ADAMTS3: variants seen among roughly 807,000 people sequenced by gnomAD.
ADAMTS3 encodes ADAM metallopeptidase with thrombospondin type 1 motif 3.
A neutral mutation model predicts 129.0 loss-of-function variants in ADAMTS3; 73 were observed. The ratio of observed to expected loss-of-function variants is 0.57; its 90% CI spans 0.47 to 0.69. The LOEUF (loss-of-function observed/expected upper bound fraction) is 0.69. Ranked by LOEUF, ADAMTS3 falls within the 30% of genes least tolerant of loss-of-function variation. The pLI is 0.00. For missense variants in ADAMTS3, 1,457 were observed against 1,514.5 expected (o/e 0.96, Z 0.63); for synonymous variants, 477 against 510.8 (o/e 0.93, Z 0.89).
chr4:72,452,325 T>C (rs993694458), intron 3 of ADAMTS3, among the ~76,000 whole-genome samples: 1 of 151,086 alleles, frequency 6.6e-6, no homozygotes, highest in African/African-American at 2.4e-5. Flanking sequence ...TAAAATATAA[T>C]AAGTATAGTT....
rs1560553586 is a variant in ADAMTS3, at chr4:72,530,071, A to ATAT, written c.504+18406_504+18407insATA. Among the ~76,000 whole-genome samples the ATAT allele has an allele frequency of 7.8e-3, 63 of 8,078 alleles. 27 individuals carry two copies. Among genetic ancestry groups the ATAT allele is most frequent in the African/African-American group, 0.023 (31 of 1,332 alleles). The allele number at this position is 8,078 out of a possible 152,430, so 5.3% of individuals were successfully genotyped here. Reference sequence around the variant, plus strand: ...ATTTATATATAATATGTTATATATAACATATTATATTTATATATAATATGT... The same window carrying ATAT: ...ATTTATATATAATATGTTATATATAATATCATATTATATTTATATATAATATGT... On this transcript the variant is annotated intron_variant, in intron 3 of 21. Transcript: ENST00000286657.
At chr4:72,549,246 C>A (rs991312315) in intron 2 of ADAMTS3, among the ~76,000 whole-genome samples, 1 of 152,088 alleles carries the variant, frequency 6.6e-6, no homozygotes. Context: ...CTGACATCTG[C>A]TAAAAACTTT....
At chr4:72,384,911 G>A (rs1721397099) in intron 4 of ADAMTS3, among the ~76,000 whole-genome samples, 1 of 152,156 alleles carries the variant, frequency 6.6e-6, no homozygotes, top group African/African-American at 2.4e-5. Flanking sequence ...GCTCACGCCT[G>A]TAATCCCAGC....
chr4:72,442,152 T>C (rs1456354721), intron 3 of ADAMTS3: 1 of 151,866 alleles, frequency 6.6e-6, no homozygotes, highest in African/African-American at 2.4e-5. Context: ...GCACCTGGGC[T>C]AGGATATCTC....
At chr4:72,315,521 G>T (rs892430276) in intron 11 of ADAMTS3, among the ~76,000 whole-genome samples, 1 of 152,106 alleles carries the variant, frequency 6.6e-6, no homozygotes, top group Non-Finnish European at 1.5e-5. Flanking sequence ...CAGATGCTGG[G>T]AGAAGCAAAG....
At chr4:72,463,149 T>C (rs928615596) in intron 3 of ADAMTS3, among the ~76,000 whole-genome samples, 2 of 152,012 alleles carry the variant, frequency 1.3e-5, no homozygotes, top group African/African-American at 4.8e-5. Flanking sequence ...GCCTACAGTA[T>C]GCAGTACAGT....
At chr4:72,336,152 G>T (rs1410522610) in intron 5 of ADAMTS3, among the ~76,000 whole-genome samples, 1 of 152,102 alleles carries the variant, frequency 6.6e-6, no homozygotes, top group Non-Finnish European at 1.5e-5. Flanking sequence ...GTCAACCAAG[G>T]CAAAGTTGAC....
At chr4:72,478,391 T>C (rs372811384) in intron 3 of ADAMTS3, among the ~76,000 whole-genome samples, 38 of 143,180 alleles carry the variant, frequency 2.7e-4, no homozygotes, top group African/African-American at 3.2e-4. Flanking sequence ...GTTCAATATA[T>C]GCAAATCAAT....
chr4:72,290,257 ACT>A (rs1472530070), intron 20 of ADAMTS3, among the ~76,000 whole-genome samples: 1 of 151,424 alleles, frequency 6.6e-6, no homozygotes, highest in Non-Finnish European at 1.5e-5. Context: ...GAGTTATAAT[ACT>A]CTGTCATGAA....
intron 3 of ADAMTS3, among the ~76,000 whole-genome samples, chr4:72,501,910 A>G (rs1420277445): frequency 6.6e-6 from 1 of 151,162 alleles, no homozygotes; most frequent in East Asian, 1.9e-4. Context: ...ATGGTGAATC[A>G]CCTTTTTTGA....
At chr4:72,515,666 CACTTTTTG>C (rs1720450136) in intron 3 of ADAMTS3, among the ~76,000 whole-genome samples, 1 of 152,032 alleles carries the variant, frequency 6.6e-6, no homozygotes, top group African/African-American at 2.4e-5. Context: ...GTCCTTCGCC[CACTTTTTG>C]ATGGGGTTGT....
chr4:72,334,437 T>C (rs1010411962), intron 5 of ADAMTS3, among the ~76,000 whole-genome samples: 1 of 152,182 alleles, frequency 6.6e-6, no homozygotes, highest in African/African-American at 2.4e-5. Flanking sequence ...GGCTTAATAA[T>C]ATACAGTAAC....
intron 2 of ADAMTS3, among the ~76,000 whole-genome samples, chr4:72,564,005 A>C (rs1018355484): frequency 1.3e-5 from 2 of 152,192 alleles, no homozygotes; most frequent in Admixed American, 1.3e-4. Flanking sequence ...GTGAAAAATT[A>C]TCTCTTAGTA....
chr4:72,520,140 C>T (rs551556352), intron 3 of ADAMTS3, among the ~76,000 whole-genome samples: 1 of 152,330 alleles, frequency 6.6e-6, no homozygotes, highest in South Asian at 2.1e-4. Flanking sequence ...GCAGCGGTGG[C>T]TGCAGAACAG....
At chr4:72,445,535 C>T (rs1000685294) in intron 3 of ADAMTS3, among the ~76,000 whole-genome samples, 4 of 151,474 alleles carry the variant, frequency 2.6e-5, no homozygotes, top group African/African-American at 9.7e-5. Context: ...CTTTTAATGC[C>T]CTTATTTTGA....
chr4:72,551,035 TAC>T (rs1721633416), intron 2 of ADAMTS3, among the ~76,000 whole-genome samples: 1 of 152,156 alleles, frequency 6.6e-6, no homozygotes, highest in African/African-American at 2.4e-5. Flanking sequence ...TCTAAGCTGC[TAC>T]ACACACTGAC....
intron 3 of ADAMTS3, among the ~76,000 whole-genome samples, chr4:72,430,096 C>T (rs1251769514): frequency 6.6e-6 from 1 of 152,040 alleles, no homozygotes; most frequent in Non-Finnish European, 1.5e-5. Flanking sequence ...GTCACTGTGG[C>T]AAATTGTATT....
At chr4:72,478,342 C>T (rs1454738882) in intron 3 of ADAMTS3, among the ~76,000 whole-genome samples, 2 of 150,646 alleles carry the variant, frequency 1.3e-5, no homozygotes, top group Non-Finnish European at 3.0e-5. Flanking sequence ...AGCTTATCCA[C>T]CATGATCAAG....
intron 4 of ADAMTS3, among the ~76,000 whole-genome samples, chr4:72,403,121 T>A (rs1448587684): frequency 3.3e-5 from 5 of 152,074 alleles, no homozygotes; most frequent in African/African-American, 1.2e-4. Context: ...TGCCATCATG[T>A]TTGGTCTTAA....
Sources: allele counts gnomAD v4.1 joint callset (sites outside exome capture counted in the v4.1 genomes callset), GRCh38; gene constraint gnomAD v4.1.1; transcripts MANE v1.5; gene names NCBI Gene and HGNC (gene_info 2026-07-23, HGNC 2026-07-21).